RAPGEF5: variants seen among roughly 807,000 people sequenced by gnomAD.
RAPGEF5 encodes Rap guanine nucleotide exchange factor 5.
Under a neutral mutation model 125.2 loss-of-function variants are expected in RAPGEF5, and 65 were observed. The observed-to-expected ratio is 0.52, with a 90% CI of 0.43 to 0.64. RAPGEF5 has a LOEUF of 0.64. RAPGEF5 is among the 30% of genes least tolerant of loss of function. The pLI, the probability that RAPGEF5 is intolerant of heterozygous loss-of-function variation, is 0.00. For missense variants in RAPGEF5, 958 were observed against 1,048.1 expected (o/e 0.91, Z 1.19); for synonymous variants, 391 against 385.9 (o/e 1.01, Z -0.16).
chr7:22,344,850 G>A (rs1784193530), intron 1 of RAPGEF5, among the ~76,000 whole-genome samples: 1 of 152,236 alleles, frequency 6.6e-6, no homozygotes. Context: ...TATAGTCAGA[G>A]TCCTCTATTT....
At chr7:22,277,167 T>C (rs914942440) in intron 6 of RAPGEF5, among the ~76,000 whole-genome samples, 3 of 152,214 alleles carry the variant, frequency 2.0e-5, no homozygotes, top group Admixed American at 6.5e-5. Flanking sequence ...CTTTTAGATT[T>C]CTATAGAATT....
chr7:22,183,295 A>T, intron 11 of RAPGEF5, among the ~76,000 whole-genome samples: 1 of 148,554 alleles, frequency 6.7e-6, no homozygotes, highest in Admixed American at 6.7e-5. Context: ...AAAAAAAAAA[A>T]GATTTTTATA....
chr7:22,321,245 G>A (rs1783710041), intron 1 of RAPGEF5, among the ~76,000 whole-genome samples: 1 of 151,640 alleles, frequency 6.6e-6, no homozygotes, highest in Non-Finnish European at 1.5e-5. Flanking sequence ...TTCACAAATG[G>A]ACTTCCAGAA....
rs116908558 is a variant in RAPGEF5, at chr7:22,259,014, T to C, written c.796+7950A>G. On this transcript the variant is annotated intron_variant, in intron 7 of 25. Coordinates refer to ENST00000665637, the MANE Select transcript of RAPGEF5 (RefSeq NM_012294.5). ...CTCATGCGAGAAAAAATTGATAAGC[T>C]AGACTTCATTAAAATAAAAACATTT... 4.6e-5 allele frequency among the ~76,000 whole-genome samples: 7 copies of C among 152,268 alleles called. No homozygotes were observed. The East Asian group carries it at 1.3e-3, about 29-fold the overall frequency.
intron 9 of RAPGEF5, among the ~76,000 whole-genome samples, chr7:22,214,596 T>C (rs1785588014): frequency 6.6e-6 from 1 of 152,200 alleles, no homozygotes; most frequent in Non-Finnish European, 1.5e-5. Flanking sequence ...GATGTAACTA[T>C]TTTACTGAAA....
chr7:22,249,979 A>T (rs2128138029), intron 7 of RAPGEF5, among the ~76,000 whole-genome samples: 1 of 152,374 alleles, frequency 6.6e-6, no homozygotes, highest in South Asian at 2.1e-4. Flanking sequence ...CCACTGCTTT[A>T]GAAAAAACAC....
chr7:22,316,380 T>TAGAC (rs1194747583), intron 2 of RAPGEF5, among the ~76,000 whole-genome samples: 17 of 144,378 alleles, frequency 1.2e-4, no homozygotes, highest in African/African-American at 4.4e-4. Context: ...GATAGATAGA[T>TAGAC]AGATTAAATG....
intron 17 of RAPGEF5, among the ~76,000 whole-genome samples, chr7:22,150,844 C>T (rs979406717): frequency 2.0e-5 from 3 of 152,152 alleles, no homozygotes; most frequent in African/African-American, 7.2e-5. Context: ...ACACTTAGGT[C>T]TATTTTTGTT....
chr7:22,315,654 AC>A (rs1409769160), intron 2 of RAPGEF5, among the ~76,000 whole-genome samples, 178 bp from the exon 3 acceptor site: 1 of 151,040 alleles, frequency 6.6e-6, no homozygotes, highest in Non-Finnish European at 1.5e-5. Flanking sequence ...CTATAAACCT[AC>A]AACTATCTTA....
intron 5 of RAPGEF5, among the ~76,000 whole-genome samples, chr7:22,305,157 T>C (rs1404418967): frequency 6.6e-6 from 1 of 152,208 alleles, no homozygotes; most frequent in Non-Finnish European, 1.5e-5. Context: ...CTTGGACGGG[T>C]TACCCGATCT....
intron 6 of RAPGEF5, among the ~76,000 whole-genome samples, chr7:22,269,717 C>T (rs1782372892): frequency 6.6e-6 from 1 of 152,194 alleles, no homozygotes; most frequent in African/African-American, 2.4e-5. Flanking sequence ...CAAACAGGGA[C>T]TACACTTTTC....
At chr7:22,340,738 C>T (rs1353825752) in intron 1 of RAPGEF5, among the ~76,000 whole-genome samples, 1 of 152,176 alleles carries the variant, frequency 6.6e-6, no homozygotes, top group Non-Finnish European at 1.5e-5. Context: ...CCCTCTGGTC[C>T]GTTCCCCCTA....
chr7:22,192,508 G>A (rs979516618), intron 11 of RAPGEF5: 1 of 152,196 alleles, frequency 6.6e-6, no homozygotes, highest in Admixed American at 6.5e-5. Flanking sequence ...AGGAAACTGT[G>A]GGTCTCACAG....
intron 6 of RAPGEF5, among the ~76,000 whole-genome samples, chr7:22,287,979 T>C (rs989160942): frequency 6.6e-6 from 1 of 152,220 alleles, no homozygotes; most frequent in African/African-American, 2.4e-5. Context: ...GTTGAAGAGA[T>C]GAAATCTTCC....
intron 7 of RAPGEF5, among the ~76,000 whole-genome samples, chr7:22,261,661 G>T (rs554606025): frequency 2.0e-5 from 3 of 152,108 alleles, no homozygotes; most frequent in African/African-American, 4.8e-5. Context: ...CTATAAAAAT[G>T]GATTTTACAT....
At chr7:22,246,421 C>G (rs1261387527) in intron 7 of RAPGEF5, among the ~76,000 whole-genome samples, 2 of 152,128 alleles carry the variant, frequency 1.3e-5, no homozygotes, top group Admixed American at 1.3e-4. Flanking sequence ...AGAAATAAAG[C>G]TGCACACCTA....
chr7:22,157,173 A>G (rs139460710), intron 15 of RAPGEF5, among the ~76,000 whole-genome samples: 1 of 152,240 alleles, frequency 6.6e-6, no homozygotes, highest in South Asian at 2.1e-4. Flanking sequence ...ACAAACATCC[A>G]TAGAGTCTCC....
chr7:22,229,287 A>T (rs1253002266), intron 8 of RAPGEF5, among the ~76,000 whole-genome samples: 1 of 152,200 alleles, frequency 6.6e-6, no homozygotes, highest in African/African-American at 2.4e-5. Flanking sequence ...CCTGTGTACA[A>T]CAAGGCCAAG....
At chr7:22,281,527 C>T (rs894252124) in intron 6 of RAPGEF5, among the ~76,000 whole-genome samples, 1 of 152,178 alleles carries the variant, frequency 6.6e-6, no homozygotes, top group Non-Finnish European at 1.5e-5. Flanking sequence ...AAGATAATAT[C>T]TAAAGCCGTC....
Sources: allele counts gnomAD v4.1 joint callset (sites outside exome capture counted in the v4.1 genomes callset), GRCh38; gene constraint gnomAD v4.1.1; transcripts MANE v1.5; gene names NCBI Gene and HGNC (gene_info 2026-07-23, HGNC 2026-07-21).